Variants in MAST2 observed in about 807,000 individuals in gnomAD.
MAST2 encodes microtubule-associated serine/threonine-protein kinase 2.
A neutral mutation model predicts 147.4 loss-of-function variants in MAST2; 70 were observed. That is an observed-to-expected ratio of 0.47 (90% confidence interval 0.39 to 0.58). MAST2 has a LOEUF of 0.58. Among genes scored for constraint, MAST2 ranks in the 20% least tolerant of loss-of-function variants. The pLI is 0.00. For synonymous variants in MAST2, 869 were observed against 896.8 expected (o/e 0.97, Z 0.55); for missense variants, 2,080 against 2,302.3 (o/e 0.90, Z 1.98).
chr1:45,845,219 C>T lies in MAST2; in HGVS notation c.468+15638C>T, dbSNP rs182247240. ...TTTATGCAAGTTTTTGGTAAGGTGT[C>T]ATATATGTCAAGGAGAACGGCATTA... On this transcript the variant is annotated intron_variant, in intron 3 of 28. Transcript: ENST00000361297. Among the ~76,000 whole-genome samples the T allele has an allele frequency of 1.2e-3, 179 of 152,230 alleles. 1 individual carries two copies. The highest frequency in any genetic ancestry group is 4.2e-3 in the African/African-American group (176 of 41,546).
intron 7 of MAST2, among the ~76,000 whole-genome samples, chr1:46,005,824 G>T (rs959205097): frequency 1.3e-5 from 2 of 152,168 alleles, no homozygotes; most frequent in Non-Finnish European, 2.9e-5. Context: ...TTCTCCTCCA[G>T]ATAGCAGCCA....
intron 10 of MAST2, among the ~76,000 whole-genome samples, chr1:46,014,173 C>CT (rs200021234): frequency 1.3e-5 from 2 of 148,340 alleles, no homozygotes; most frequent in South Asian, 2.1e-4. Flanking sequence ...ATGTATTTTT[C>CT]TTTTTTTTAT....
Position 46,022,965 on chromosome 1 carries a change from T to C in MAST2, c.1479T>C (p.Ser493=). Residue 493 remains serine, a synonymous_variant, in exon 13 of 29, where the codon TCT becomes TCC. Coordinates refer to ENST00000361297, the MANE Select transcript of MAST2 (RefSeq NM_015112.3). ...DSPDTPETDD[S]IEGHGASLPS... ...CTGACACTCCAGAGACAGATGATTC[T>C]ATTGAGGTAAAAACCCTGAGCTCCT... is the stretch of plus-strand genomic sequence containing the variant. 1 of 1,614,114 alleles carries C rather than the reference T, an allele frequency of 6.2e-7. No individual in the cohort carries two copies.
intron 1 of MAST2, among the ~76,000 whole-genome samples, chr1:45,823,750 G>A (rs1327811870): frequency 2.6e-5 from 4 of 152,058 alleles, no homozygotes; most frequent in Non-Finnish European, 5.9e-5. Context: ...TCATCGGGCT[G>A]ATTTTTTTCG....
At chr1:45,928,639 T>G (rs1477406733) in intron 4 of MAST2, among the ~76,000 whole-genome samples, 1 of 151,172 alleles carries the variant, frequency 6.6e-6, no homozygotes, top group East Asian at 1.9e-4. Flanking sequence ...TGGAGTGCAG[T>G]GGCACAATCA....
chr1:45,826,674 C>A (rs1205866730), intron 2 of MAST2, among the ~76,000 whole-genome samples: 2 of 152,030 alleles, frequency 1.3e-5, no homozygotes, highest in East Asian at 3.9e-4. Context: ...ATTGCAATCC[C>A]CTCCATGCTT....
At chr1:45,905,419 TC>T (rs1650528271) in intron 4 of MAST2, among the ~76,000 whole-genome samples, 1 of 152,136 alleles carries the variant, frequency 6.6e-6, no homozygotes. Flanking sequence ...ACTCCTGACT[TC>T]AAGTGATCTG....
At chr1:45,876,539 G>A (rs919308597) in intron 3 of MAST2, among the ~76,000 whole-genome samples, 1 of 152,178 alleles carries the variant, frequency 6.6e-6, no homozygotes, top group African/African-American at 2.4e-5. Context: ...CCTAGTTGCT[G>A]GAAGGTTATG....
rs550354938 is a variant in MAST2 at position 45,978,637 on chromosome 1, G to T, written c.593-19087G>T. Among the ~76,000 whole-genome samples, 34 of 152,334 alleles carry T rather than the reference G, an allele frequency of 2.2e-4. 1 individual carries two copies. The East Asian group carries it at 5.8e-3, about 26-fold the overall frequency. The stretch of plus-strand genomic sequence containing the variant: ...TGTGAAACAGTAGGAATCCATAAGT[G>T]CTGCTGGTGAGTGTATAAATTAATA... On this transcript the variant is annotated intron_variant, in intron 5 of 28. Transcript: ENST00000361297.
At chr1:46,019,227 C>T (rs1415311200) in intron 10 of MAST2, among the ~76,000 whole-genome samples, 1 of 152,158 alleles carries the variant, frequency 6.6e-6, no homozygotes, top group Non-Finnish European at 1.5e-5. Flanking sequence ...TCATATGACT[C>T]CTCAGCTTTG....
At chr1:45,850,230 G>A (rs1645580672) in intron 3 of MAST2, among the ~76,000 whole-genome samples, 1 of 152,038 alleles carries the variant, frequency 6.6e-6, no homozygotes, top group Non-Finnish European at 1.5e-5. Context: ...ATGTTTGTTG[G>A]CTGCCTGTAT....
chr1:45,976,934 C>T (rs894497336), intron 5 of MAST2, among the ~76,000 whole-genome samples: 2 of 152,118 alleles, frequency 1.3e-5, no homozygotes, highest in African/African-American at 4.8e-5. Context: ...CAAATTTACA[C>T]GTATTCAGAC....
intron 1 of MAST2, among the ~76,000 whole-genome samples, chr1:45,822,758 G>C (rs531943344): frequency 6.6e-6 from 1 of 151,692 alleles, no homozygotes; most frequent in East Asian, 1.9e-4. Context: ...TTTGTGAGTG[G>C]CCAACCCTCT....
At chr1:45,953,526 G>A (rs1206717518) in intron 4 of MAST2, among the ~76,000 whole-genome samples, 1 of 152,124 alleles carries the variant, frequency 6.6e-6, no homozygotes, top group Non-Finnish European at 1.5e-5. Flanking sequence ...AAATGCTATT[G>A]GGAAAAAAGG....
intron 5 of MAST2, among the ~76,000 whole-genome samples, chr1:45,963,755 C>A (rs7516008): frequency 0.33 from 50,040 of 151,802 alleles, 8,477 homozygotes; most frequent in African/African-American, 0.4. Context: ...TCCTTTATTT[C>A]TTTTTCCTGC....
intron 4 of MAST2, among the ~76,000 whole-genome samples, chr1:45,905,516 C>T (rs972984607): frequency 2.6e-5 from 4 of 152,140 alleles, no homozygotes; most frequent in African/African-American, 9.7e-5. Flanking sequence ...CGGTGGCTCA[C>T]GCCTATAATC....
chr1:45,810,521 A>C (rs1644257940), intron 1 of MAST2, among the ~76,000 whole-genome samples: 1 of 152,154 alleles, frequency 6.6e-6, no homozygotes, highest in Non-Finnish European at 1.5e-5. Context: ...GTGATATAAA[A>C]GGATAATTGG....
At chr1:45,849,561 C>T (rs921164651) in intron 3 of MAST2, among the ~76,000 whole-genome samples, 1 of 148,426 alleles carries the variant, frequency 6.7e-6, no homozygotes, top group Non-Finnish European at 1.5e-5. Flanking sequence ...GAGTCTCTCT[C>T]TGTCACCCAG....
intron 4 of MAST2, among the ~76,000 whole-genome samples, chr1:45,939,989 T>TTTTGTTTTTTTTGTTTTTTTTTG (rs776892902): frequency 2.9e-4 from 38 of 128,924 alleles, no homozygotes; most frequent in Admixed American, 4.9e-4. Context: ...GGTTTTTTTT[T>TTTTGTTTTTTTTGTTTTTTTTTG]TTTTTTTTTT....
Sources: allele counts gnomAD v4.1 joint callset (sites outside exome capture counted in the v4.1 genomes callset), GRCh38; gene constraint gnomAD v4.1.1; transcripts MANE v1.5; gene names NCBI Gene and HGNC (gene_info 2026-07-23, HGNC 2026-07-21).